The following CRB1 variants were observed in gnomAD, a reference collection of about 807,000 sequenced individuals.
CRB1 encodes the protein crumbs cell polarity complex component 1.
In CRB1, 83 loss-of-function variants were observed where a neutral mutation model predicts 120.0. The ratio of observed to expected loss-of-function variants is 0.69; its 90% CI spans 0.58 to 0.83. The LOEUF (loss-of-function observed/expected upper bound fraction) is 0.83, where lower values mean the gene tolerates loss of function less well. Ranked by LOEUF, CRB1 falls within the 40% of genes least tolerant of loss-of-function variation. CRB1 has a pLI of 0.00. For synonymous variants in CRB1, 625 were observed against 612.5 expected, an observed-to-expected ratio of 1.02 and a Z score of -0.30; for missense variants, 1,699 against 1,687.6, an observed-to-expected ratio of 1.01 and a Z score of -0.12.
chr1:197,326,785 G>T (rs1032666683), intron 1 of CRB1, among the ~76,000 whole-genome samples: 2 of 152,086 alleles, frequency 1.3e-5, no homozygotes, highest in East Asian at 3.9e-4. Context: ...TAATTTACAG[G>T]AAGGGCATAG....
chr1:197,339,346 A>C (rs991115328), intron 2 of CRB1, among the ~76,000 whole-genome samples: 2 of 152,242 alleles, frequency 1.3e-5, no homozygotes, highest in Admixed American at 1.3e-4. Flanking sequence ...CGAATGCTAC[A>C]GTTCCACATT....
intron 3 of CRB1, among the ~76,000 whole-genome samples, chr1:197,345,280 T>C (rs546415038): frequency 2.0e-5 from 3 of 152,140 alleles, no homozygotes; most frequent in Non-Finnish European, 2.9e-5. Flanking sequence ...GCAAGATAAG[T>C]ATTTATGTTT....
chr1:197,325,034 G>C (rs139780130), intron 1 of CRB1, among the ~76,000 whole-genome samples: 144 of 152,274 alleles, frequency 9.5e-4, no homozygotes, highest in Admixed American at 4.6e-3. Context: ...TGTTCTGCTT[G>C]ATTTTATCAA....
chr1:197,257,312 A>T, the CRB1 span, among the ~76,000 whole-genome samples: 1 of 152,112 alleles, frequency 6.6e-6, no homozygotes, highest in Admixed American at 6.6e-5. Flanking sequence ...GAGAGGGCAG[A>T]TCTTCTTTAC....
chr1:197,369,519 AC>A (rs544254733), intron 5 of CRB1, among the ~76,000 whole-genome samples: 155 of 152,006 alleles, frequency 1.0e-3, no homozygotes, highest in African/African-American at 3.5e-3. Context: ...GTTTTATTAT[AC>A]CTGCCATTGG....
intron 1 of CRB1, among the ~76,000 whole-genome samples, chr1:197,301,459 C>A (rs750512273): frequency 1.3e-5 from 2 of 152,132 alleles, no homozygotes; most frequent in Non-Finnish European, 2.9e-5. Context: ...AGTTACCACA[C>A]CCGGCTTCAA....
chr1:197,236,491 G>A, the CRB1 span, among the ~76,000 whole-genome samples: 3 of 152,144 alleles, frequency 2.0e-5, no homozygotes, highest in Admixed American at 6.5e-5. Flanking sequence ...GAGCCACTGC[G>A]CTCGGCCAGC....
At chr1:197,331,365 A>G (rs532619262) in intron 2 of CRB1, among the ~76,000 whole-genome samples, 147 of 152,322 alleles carry the variant, frequency 9.7e-4, no homozygotes, top group African/African-American at 3.2e-3. Context: ...CTATGATGCT[A>G]AAATGCTTAT....
At chr1:197,292,425 C>T (rs1656243069) in intron 1 of CRB1, among the ~76,000 whole-genome samples, 1 of 151,152 alleles carries the variant, frequency 6.6e-6, no homozygotes, top group Non-Finnish European at 1.5e-5. Context: ...TAATAGCCTA[C>T]CACCCAAAAT....
At chr1:197,393,945 G>A (rs2821102) in intron 5 of CRB1, among the ~76,000 whole-genome samples, 58,937 of 151,882 alleles carry the variant, frequency 0.39, 13,086 homozygotes, top group African/African-American at 0.62. Flanking sequence ...ACTAGTTTTA[G>A]AATCTCCCTA....
intron 1 of CRB1, among the ~76,000 whole-genome samples, chr1:197,289,611 C>G (rs1020879613): frequency 5.9e-5 from 9 of 151,790 alleles, no homozygotes; most frequent in Non-Finnish European, 1.0e-4. Context: ...TCGCCATTCT[C>G]TCTGTTCTGT....
In CRB1 at chr1:197,380,268, A is replaced by C. The variant is rs139584745; in HGVS notation, c.1171+23255A>C. On this transcript the variant is annotated intron_variant, in intron 5 of 11. Coordinates refer to ENST00000367400, the MANE Select transcript of CRB1 (RefSeq NM_201253.3). ...GAGGATAGGGCTTCAAAATTTATCTATTTATTTGAGTGAGTTTTAGCATCA... is the reference window on the plus strand; with the variant it reads ...GAGGATAGGGCTTCAAAATTTATCTCTTTATTTGAGTGAGTTTTAGCATCA... Among the ~76,000 whole-genome samples, 3 of 152,262 alleles carry C rather than the reference A, an allele frequency of 2.0e-5. No homozygotes were observed. In the East Asian group the frequency reaches 5.8e-4, roughly 29 times the overall value.
At chr1:197,213,529 C>T in the CRB1 span, among the ~76,000 whole-genome samples, 1 of 152,134 alleles carries the variant, frequency 6.6e-6, no homozygotes, top group Non-Finnish European at 1.5e-5. Context: ...CCATGTGACT[C>T]AGAAAGCCCT....
At chr1:197,201,565 C>A in the CRB1 span, among the ~76,000 whole-genome samples, 3 of 152,218 alleles carry the variant, frequency 2.0e-5, no homozygotes, top group Non-Finnish European at 2.9e-5. Flanking sequence ...CGCAGTGGCT[C>A]GGTGGCCTAC....
In CRB1 at chr1:197,438,640, A is replaced by T; in HGVS notation, c.3843A>T (p.Leu1281Phe). Reference sequence around the variant, plus strand: ...ACTGCACAGAGTTCCAGACTGAATTAAAATGTATGTGCCGGCCAGGTTTTA... The same window carrying T: ...ACTGCACAGAGTTCCAGACTGAATTTAAATGTATGTGCCGGCCAGGTTTTA... ...GGNCTEFQTE[L>F]KCMCRPGFTG... The change falls in exon 10 of 12, where the codon TTA becomes TTT. Residue 1281 changes from leucine (L) to phenylalanine (F), a missense_variant. Physicochemically the swap from Leu to Phe is conservative, Grantham distance 22. Transcript: ENST00000367400. 1 of 1,612,746 alleles carries T rather than the reference A, an allele frequency of 6.2e-7. No homozygotes were observed. Among genetic ancestry groups the T allele is most frequent in the African/African-American group, 1.3e-5 (1 of 74,992 alleles).
intron 5 of CRB1, among the ~76,000 whole-genome samples, chr1:197,402,468 A>T (rs533254464): frequency 5.3e-5 from 8 of 152,232 alleles, no homozygotes; most frequent in African/African-American, 1.9e-4. Flanking sequence ...TAATTATTTC[A>T]TCATTATTTA....
chr1:197,341,940 GA>G (rs1659487833), intron 2 of CRB1, among the ~76,000 whole-genome samples: 1 of 152,172 alleles, frequency 6.6e-6, no homozygotes, highest in Non-Finnish European at 1.5e-5. Flanking sequence ...GGACAAGGGG[GA>G]AAAAGCATTC....
chr1:197,460,262 A>T (rs1666468061), intron 11 of CRB1, among the ~76,000 whole-genome samples: 1 of 152,084 alleles, frequency 6.6e-6, no homozygotes. Flanking sequence ...TTTAATGTAC[A>T]TAAAATTAAG....
chr1:197,387,704 T>G (rs945636350), intron 5 of CRB1, among the ~76,000 whole-genome samples: 8 of 152,038 alleles, frequency 5.3e-5, no homozygotes, highest in Non-Finnish European at 1.2e-4. Context: ...AATTTTTTTC[T>G]AAAAAGTTTG....
Sources: allele counts gnomAD v4.1 joint callset (sites outside exome capture counted in the v4.1 genomes callset), GRCh38; gene constraint gnomAD v4.1.1; transcripts MANE v1.5; gene names NCBI Gene and HGNC (gene_info 2026-07-23, HGNC 2026-07-21).